Variants in ABCC9 observed in about 807,000 individuals in gnomAD.
ABCC9 encodes ATP binding cassette subfamily C member 9, also known as ATP-binding cassette sub-family C member 9.
A neutral mutation model predicts 188.3 loss-of-function variants in ABCC9; 95 were observed. That is an observed-to-expected ratio of 0.50 (90% CI 0.43 to 0.60). The LOEUF is 0.60. Among genes scored for constraint, ABCC9 ranks in the 20% least tolerant of loss-of-function variants. The pLI, the probability that ABCC9 is intolerant of heterozygous loss-of-function variation, is 0.00. For synonymous variants in ABCC9, 659 were observed against 652.7 expected (o/e 1.01, Z -0.15); for missense variants, 1,102 against 1,876.3 (o/e 0.59, Z 7.62).
At chr12:21,896,194 G>A (rs551550723) in intron 12 of ABCC9, among the ~76,000 whole-genome samples, 24 of 149,186 alleles carry the variant, frequency 1.6e-4, no homozygotes, top group Admixed American at 7.5e-4. Context: ...ATGCTGGTGC[G>A]CTGCAATCTA....
intron 33 of ABCC9, 97 bp downstream of exon 33, chr12:21,817,090 G>C: frequency 7.2e-7 from 1 of 1,379,988 alleles, no homozygotes; most frequent in South Asian, 1.2e-5. Flanking sequence ...GGATACTGAA[G>C]TGGAAAGCAA....
In ABCC9 at chr12:21,856,368, T is replaced by C. The variant is rs193087220; in HGVS notation, c.2505+3218A>G. ...TGTTATTTATTCTAATATATATATG[T>C]ACAGTCTTCATTAATATATTCTCTT... On this transcript the variant is annotated intron_variant, in intron 22 of 39. Transcript: ENST00000261200. Among the ~76,000 whole-genome samples the C allele has an allele frequency of 1.8e-3, 267 of 152,274 alleles. 1 individual carries two copies. The highest frequency in any genetic ancestry group is 2.8e-3 in the Non-Finnish European group (192 of 68,016).
chr12:21,818,594 A>C (rs1310022981), intron 31 of ABCC9, among the ~76,000 whole-genome samples: 1 of 147,462 alleles, frequency 6.8e-6, no homozygotes, highest in Non-Finnish European at 1.5e-5. Context: ...ACATCTTGCC[A>C]GAAGTTAAGC....
intron 30 of ABCC9, among the ~76,000 whole-genome samples, chr12:21,829,442 C>G (rs1248273609): frequency 6.6e-6 from 1 of 152,036 alleles, no homozygotes; most frequent in Non-Finnish European, 1.5e-5. Flanking sequence ...ACCTTGTGAT[C>G]CGCCCACCTT....
chr12:21,900,124 G>A (rs146375843), intron 12 of ABCC9, among the ~76,000 whole-genome samples: 18 of 152,276 alleles, frequency 1.2e-4, no homozygotes, highest in Non-Finnish European at 1.8e-4. Flanking sequence ...CCAGAGGACC[G>A]ATCAGGCAGC....
chr12:21,829,028 TC>T lies in ABCC9; in HGVS notation c.3598del (p.Glu1200AsnfsTer2). On this transcript the variant is annotated frameshift_variant, in exon 31 of 40. Coordinates refer to ENST00000261200, the MANE Select transcript of ABCC9 (RefSeq NM_020297.4). LOFTEE classifies it high-confidence loss of function. ...HETRFKQRML[E>X]LTDTNNIAYL... ...GGCAATGTTGTTTGTATCCGTCAGT[TC>T]CAGCATACGTTGTTTAAATCTGGTT... 1 of 1,613,996 alleles carries T rather than the reference TC, an allele frequency of 6.2e-7. No individual in the cohort carries two copies. The highest frequency in any genetic ancestry group is 2.2e-5 in the East Asian group (1 of 44,854).
intron 37 of ABCC9, among the ~76,000 whole-genome samples, chr12:21,808,366 C>T (rs565571728): frequency 6.6e-6 from 1 of 152,206 alleles, no homozygotes; most frequent in South Asian, 2.1e-4. Flanking sequence ...CATATTCAGT[C>T]GGTTACATAA....
At chr12:21,855,365 A>G (rs1018860896) in intron 22 of ABCC9, among the ~76,000 whole-genome samples, 12 of 152,196 alleles carry the variant, frequency 7.9e-5, no homozygotes, top group Admixed American at 3.3e-4. Flanking sequence ...GATTACAGGC[A>G]CACGCCACCA....
intron 22 of ABCC9, among the ~76,000 whole-genome samples, chr12:21,852,894 G>A (rs1241437355): frequency 6.6e-6 from 1 of 152,170 alleles, no homozygotes; most frequent in African/African-American, 2.4e-5. Context: ...TATTCAAAAT[G>A]TTTTGAATTC....
chr12:21,827,051 G>T, intron 31 of ABCC9: 1 of 934,638 alleles, frequency 1.1e-6, no homozygotes, highest in South Asian at 4.9e-5. Context: ...GTTTTTTGCA[G>T]GTGGAATTCA....
rs377233626 is a variant in ABCC9 at position 21,915,225 on chromosome 12, ATGTGTGTGTGTG to A, written c.816+431_816+442del. ...CTAAGCTTTGTGTCTTTATATATAT[ATGTGTGTGTGTG>A]TGTGTGTGTGTGTGTGTGTGTGTGT... On this transcript the variant is annotated intron_variant, in intron 7 of 39. Coordinates refer to ENST00000261200, the MANE Select transcript of ABCC9 (RefSeq NM_020297.4). Among the ~76,000 whole-genome samples, 23 of 129,156 alleles carry A rather than the reference ATGTGTGTGTGTG, an allele frequency of 1.8e-4. No homozygotes were observed. In the East Asian group the frequency reaches 2.1e-3, roughly 12 times the overall value. The allele number at this position is 129,156 out of a possible 152,430, so 84.7% of individuals were successfully genotyped here.
chr12:21,939,675 A>G (rs1294073902), intron 2 of ABCC9, among the ~76,000 whole-genome samples: 1 of 152,138 alleles, frequency 6.6e-6, no homozygotes, highest in East Asian at 1.9e-4. Context: ...GCAGATGGGG[A>G]GATATAATGT....
At chr12:21,925,683 A>AC (rs1342608925) in intron 5 of ABCC9, 4 of 615,688 alleles carry the variant, frequency 6.5e-6, no homozygotes, top group Admixed American at 2.7e-5. Flanking sequence ...TTCTTCCCCC[A>AC]CCCCCCTACA....
At chr12:21,812,296 C>G (rs1942294061) in intron 35 of ABCC9, 139 bp from the exon 36 acceptor site, 2 of 676,948 alleles carry the variant, frequency 3.0e-6, no homozygotes, top group South Asian at 3.4e-5. Context: ...TGTGGTGATT[C>G]CTCAAGTATC....
chr12:21,897,264 G>GT (rs1485844057), intron 12 of ABCC9, among the ~76,000 whole-genome samples: 1 of 151,976 alleles, frequency 6.6e-6, no homozygotes, highest in Non-Finnish European at 1.5e-5. Context: ...TTTTAAGAGG[G>GT]TTTTTTTTCC....
At chr12:21,901,929 G>A (rs963221443) in intron 12 of ABCC9, among the ~76,000 whole-genome samples, 1 of 152,172 alleles carries the variant, frequency 6.6e-6, no homozygotes, top group Non-Finnish European at 1.5e-5. Context: ...TCCAGGAATT[G>A]AACTCAGCTC....
intron 14 of ABCC9, among the ~76,000 whole-genome samples, chr12:21,888,911 T>G (rs1327123216): frequency 8.3e-4 from 2 of 2,408 alleles, no homozygotes; most frequent in Non-Finnish European, 2.6e-3. Context: ...ATGCAGCAAG[T>G]GGGAAAACTT....
At chr12:21,864,581 G>T in intron 18 of ABCC9, 104 bp from the exon 19 acceptor site, 1 of 803,122 alleles carries the variant, frequency 1.2e-6, no homozygotes, top group South Asian at 1.5e-5. Flanking sequence ...ACATATTAAA[G>T]AGCACATTTC....
chr12:21,863,555 A>G (rs1163936420), intron 19 of ABCC9, among the ~76,000 whole-genome samples: 1 of 152,218 alleles, frequency 6.6e-6, no homozygotes, highest in African/African-American at 2.4e-5. Context: ...AACAAAGAAT[A>G]TCTTAAGGAG....
Sources: gnomAD v4.1 joint callset for allele counts (sites outside exome capture counted in the v4.1 genomes callset) on GRCh38, gnomAD v4.1.1 for gene constraint, MANE v1.5 for transcripts, NCBI Gene and HGNC (gene_info 2026-07-23, HGNC 2026-07-21) for gene names.